The following KAZN variants were observed in gnomAD, a reference collection of about 807,000 sequenced individuals.
The protein encoded by KAZN is kazrin.
In KAZN, 40 loss-of-function variants were observed where a neutral mutation model predicts 87.4. The observed-to-expected ratio is 0.46, with a 90% CI of 0.36 to 0.60. The LOEUF is 0.60. Ranked by LOEUF, KAZN falls within the 20% of genes least tolerant of loss-of-function variation. KAZN has a pLI of 0.00. For synonymous variants in KAZN, 466 were observed against 458.3 expected, an observed-to-expected ratio of 1.02 and a Z score of -0.22; for missense variants, 898 against 1,073.9, an observed-to-expected ratio of 0.84 and a Z score of 2.29.
intron 1 of KAZN, among the ~76,000 whole-genome samples, chr1:14,864,766 T>A (rs1651261304): frequency 6.6e-6 from 1 of 152,090 alleles, no homozygotes; most frequent in African/African-American, 2.4e-5. Context: ...GGGCTCTGGA[T>A]TCAGATTGCT....
chr1:14,372,182 G>GTATT (rs1660544422), intron 2 of KAZN, among the ~76,000 whole-genome samples: 1 of 152,180 alleles, frequency 6.6e-6, no homozygotes, highest in Non-Finnish European at 1.5e-5. Flanking sequence ...TGTTTACTGT[G>GTATT]TATTTAAGTG....
intron 1 of KAZN, among the ~76,000 whole-genome samples, chr1:13,913,512 C>G (rs1306832258): frequency 6.6e-6 from 1 of 152,122 alleles, no homozygotes; most frequent in Non-Finnish European, 1.5e-5. Context: ...GTTTGGGGCC[C>G]TGTAAGGTCA....
At chr1:15,009,495 G>A (rs1043397030) in intron 2 of KAZN, among the ~76,000 whole-genome samples, 2 of 152,194 alleles carry the variant, frequency 1.3e-5, no homozygotes, top group Admixed American at 6.5e-5. Flanking sequence ...CTGGGGAAAC[G>A]TGCTTCCACA....
At chr1:14,285,325 A>G (rs1311264976) in intron 2 of KAZN, among the ~76,000 whole-genome samples, 2 of 152,214 alleles carry the variant, frequency 1.3e-5, no homozygotes, top group Admixed American at 6.5e-5. Flanking sequence ...AACAGAGAAC[A>G]CTAGACATTC....
At chr1:14,779,273 G>A (rs767482571) in intron 1 of KAZN, among the ~76,000 whole-genome samples, 11 of 152,172 alleles carry the variant, frequency 7.2e-5, no homozygotes, top group Non-Finnish European at 1.2e-4. Flanking sequence ...AGATTAGTTT[G>A]GCAAACTAGA....
rs577976077 is a variant in KAZN at position 15,055,134 on chromosome 1, G to C, written c.727-957G>C. Reference sequence around the variant, plus strand: ...GCCAAACACCTTTTTCTTACAATCGGACTTGAATCCTGGCTAGTCCCTGGA... The same window carrying C: ...GCCAAACACCTTTTTCTTACAATCGCACTTGAATCCTGGCTAGTCCCTGGA... On this transcript the variant is annotated intron_variant, in intron 4 of 14. Coordinates refer to ENST00000376030, the MANE Select transcript of KAZN (RefSeq NM_201628.3). 5.9e-5 allele frequency among the ~76,000 whole-genome samples: 9 copies of C among 152,328 alleles called. No individual in the cohort carries two copies. In the South Asian group the frequency reaches 1.7e-3, roughly 28 times the overall value.
chr1:14,131,282 A>T (rs10754910), intron 1 of KAZN, among the ~76,000 whole-genome samples: 1 of 151,990 alleles, frequency 6.6e-6, no homozygotes, highest in Non-Finnish European at 1.5e-5. Flanking sequence ...ATGAGATTTG[A>T]GTGGGGACAC....
At chr1:14,781,294 C>T (rs1369701007) in intron 1 of KAZN, among the ~76,000 whole-genome samples, 1 of 152,176 alleles carries the variant, frequency 6.6e-6, no homozygotes, top group East Asian at 1.9e-4. Context: ...TGCGCTCCAA[C>T]CTGGGCAACA....
intron 2 of KAZN, among the ~76,000 whole-genome samples, chr1:14,225,139 A>G (rs1647216702): frequency 6.6e-6 from 1 of 152,150 alleles, no homozygotes; most frequent in Non-Finnish European, 1.5e-5. Context: ...ATAATTTTAC[A>G]CCTAGAAAAC....
chr1:14,964,004 A>G (rs1664177373), intron 2 of KAZN, among the ~76,000 whole-genome samples: 1 of 152,124 alleles, frequency 6.6e-6, no homozygotes, highest in East Asian at 1.9e-4. Flanking sequence ...TTGTATATGT[A>G]CCACATTTTC....
At chr1:15,057,358 T>C (rs1012206365) in intron 5 of KAZN, among the ~76,000 whole-genome samples, 1 of 152,230 alleles carries the variant, frequency 6.6e-6, no homozygotes, top group Non-Finnish European at 1.5e-5. Context: ...ACCTACTTCA[T>C]GGAGCTGTCG....
rs765533838 is a variant in KAZN, at chr1:15,081,341, A to G, written c.1223-12839A>G. Among the ~76,000 whole-genome samples the G allele has an allele frequency of 5.3e-5, 8 of 152,242 alleles. No homozygotes were observed. The highest frequency in any genetic ancestry group is 1.0e-4 in the Non-Finnish European group (7 of 68,042). On this transcript the variant is annotated intron_variant, in intron 8 of 14. Coordinates refer to ENST00000376030, the MANE Select transcript of KAZN (RefSeq NM_201628.3). This position sits in a 1 kb window ranked among gnomAD's most constrained non-coding sequence, Gnocchi z 4.1. Reference sequence around the variant, plus strand: ...CACAGAAATTGGCAAGCAAATGCTAAAACCAGTGTACCTCTGGAAAATATA... The same window carrying G: ...CACAGAAATTGGCAAGCAAATGCTAGAACCAGTGTACCTCTGGAAAATATA...
rs1261811820 is a variant in KAZN at position 14,139,532 on chromosome 1, G to A, written c.92-40903G>A. Among the ~76,000 whole-genome samples the A allele has an allele frequency of 2.6e-5, 4 of 152,188 alleles. No homozygotes were observed. The East Asian group carries it at 7.7e-4, about 29-fold the overall frequency. The stretch of plus-strand genomic sequence containing the variant: ...TTTTGTTGTTGTTCTTCCTCCTGGA[G>A]CTCCCAGCCCCATTATTCTATTCCA... On this transcript the variant is annotated intron_variant, in intron 1 of 16. Transcript: ENST00000636203.
intron 1 of KAZN, among the ~76,000 whole-genome samples, chr1:14,686,676 G>A (rs1398084653): frequency 6.6e-6 from 1 of 152,216 alleles, no homozygotes; most frequent in East Asian, 1.9e-4. Context: ...AATATCGGGT[G>A]TAGCGGGAAG....
intron 1 of KAZN, among the ~76,000 whole-genome samples, chr1:14,900,520 G>A (rs145262874): frequency 2.5e-4 from 38 of 152,234 alleles, no homozygotes; most frequent in African/African-American, 7.7e-4. Context: ...TTGGGAGGCC[G>A]AGGCGGGTGG....
chr1:14,387,192 G>T lies in KAZN; in HGVS notation c.249+206600G>T, dbSNP rs557183106. Among the ~76,000 whole-genome samples, 18 of 152,068 alleles carry T rather than the reference G, an allele frequency of 1.2e-4. No homozygotes were observed. The South Asian group carries it at 3.5e-3, about 30-fold the overall frequency. On this transcript the variant is annotated intron_variant, in intron 2 of 16. Coordinates refer to the KAZN transcript ENST00000636203. ...CTCCTTTAAGCACTTCTCTGTATTG[G>T]TTATTCTAGTTATACATTCTTCTAA...
chr1:15,010,530 A>C (rs1306397707), intron 2 of KAZN, among the ~76,000 whole-genome samples: 1 of 151,868 alleles, frequency 6.6e-6, no homozygotes, highest in Non-Finnish European at 1.5e-5. Flanking sequence ...AGCTGGGACT[A>C]CAGGCGCCCG....
rs1229834886 is a variant in KAZN at position 14,773,682 on chromosome 1, A to G, written c.226+174459A>G. On this transcript the variant is annotated intron_variant, in intron 1 of 14. Transcript: ENST00000376030. This position sits in a 1 kb window ranked among gnomAD's most constrained non-coding sequence, Gnocchi z 5.9. ...TGCAACCACCATAGCCAGTGCCTCT[A>G]TGCAGCCGGTTACCCATTGGCGTCA... 6.6e-6 allele frequency among the ~76,000 whole-genome samples: 1 copy of G among 152,122 alleles called. No homozygotes were observed. Among genetic ancestry groups the G allele is most frequent in the Non-Finnish European group, 1.5e-5 (1 of 68,012 alleles).
At chr1:14,835,839 C>T (rs1198243932) in intron 1 of KAZN, among the ~76,000 whole-genome samples, 1 of 151,290 alleles carries the variant, frequency 6.6e-6, no homozygotes, top group Admixed American at 6.6e-5. Flanking sequence ...CCCAGGAGTC[C>T]CCTTCCTCCT....
Sources: gnomAD v4.1 joint callset for allele counts (sites outside exome capture counted in the v4.1 genomes callset) on GRCh38, gnomAD v4.1.1 for gene constraint, Gnocchi (gnomAD v3.1) non-coding constraint, MANE v1.5 for transcripts, NCBI Gene and HGNC (gene_info 2026-07-23, HGNC 2026-07-21) for gene names.